Variants in TTC6 observed in about 807,000 individuals in gnomAD.
The protein encoded by TTC6 is tetratricopeptide repeat protein 6.
TTC6 carries 172 observed loss-of-function variants against 210.4 expected under a neutral mutation model. The ratio of observed to expected loss-of-function variants is 0.82; its 90% CI spans 0.72 to 0.93. The LOEUF is 0.93. Among genes scored for constraint, TTC6 ranks in the 40% least tolerant of loss-of-function variants. The pLI is 0.00. For synonymous variants in TTC6, 804 were observed against 819.6 expected (o/e 0.98, Z 0.32); for missense variants, 2,414 against 2,318.1 (o/e 1.04, Z -0.85).
chr14:37,700,336 C>A (rs1369225416), intron 4 of TTC6, among the ~76,000 whole-genome samples: 3 of 152,074 alleles, frequency 2.0e-5, no homozygotes, highest in Non-Finnish European at 4.4e-5. Flanking sequence ...AATACAGCTT[C>A]GTTGTGGGAA....
chr14:37,772,276 CCA>C (rs1325566089), intron 14 of TTC6: 1 of 153,818 alleles, frequency 6.5e-6, no homozygotes, highest in African/African-American at 2.4e-5. Flanking sequence ...TGCCCTGCCC[CCA>C]GAGGTGGAGC....
At chr14:37,704,889 A>G (rs553023930) in intron 5 of TTC6, among the ~76,000 whole-genome samples, 62 of 152,280 alleles carry the variant, frequency 4.1e-4, no homozygotes, top group African/African-American at 1.4e-3. Flanking sequence ...TAAGAAGAAC[A>G]TATTTTAAAA....
At chr14:37,615,252 C>T (rs1455104414) in intron 2 of TTC6, among the ~76,000 whole-genome samples, 1 of 152,054 alleles carries the variant, frequency 6.6e-6, no homozygotes, top group African/African-American at 2.4e-5. Context: ...TACATTTATT[C>T]TGATTGAGAT....
At chr14:37,714,505 T>G in intron 5 of TTC6, 150 bp from the exon 8 acceptor site, 2 of 500,302 alleles carry the variant, frequency 4.0e-6, no homozygotes, top group Non-Finnish European at 6.6e-6. Context: ...TATTTCTCAT[T>G]TTGGATTATC....
chr14:37,699,016 G>A (rs1483783460), intron 4 of TTC6, among the ~76,000 whole-genome samples: 1 of 152,150 alleles, frequency 6.6e-6, no homozygotes, highest in African/African-American at 2.4e-5. Flanking sequence ...CTCTGAATCA[G>A]TGCCAGCCAT....
At chr14:37,708,091 C>T (rs1014790316) in intron 5 of TTC6, among the ~76,000 whole-genome samples, 1 of 151,892 alleles carries the variant, frequency 6.6e-6, no homozygotes, top group South Asian at 2.1e-4. Context: ...TGTGCATACA[C>T]ATATATTATG....
At chr14:37,838,999 C>T (rs1401503678) in intron 29 of TTC6, among the ~76,000 whole-genome samples, 6 of 152,204 alleles carry the variant, frequency 3.9e-5, no homozygotes, top group Admixed American at 3.9e-4. Flanking sequence ...TTTTTCATGG[C>T]TGCATAGTAT....
chr14:37,734,722 G>A (rs2095896936), intron 7 of TTC6, among the ~76,000 whole-genome samples: 1 of 151,424 alleles, frequency 6.6e-6, no homozygotes, highest in Non-Finnish European at 1.5e-5. Flanking sequence ...TTTTTCCATT[G>A]CATATCATAT....
At chr14:37,742,171 G>T (rs17107062) in intron 10 of TTC6, among the ~76,000 whole-genome samples, 2 of 152,096 alleles carry the variant, frequency 1.3e-5, no homozygotes, top group Admixed American at 6.5e-5. Context: ...TGCCAATGGC[G>T]TTCCTATCCC....
chr14:37,841,614 C>G (rs1595344949), exon 30 of TTC6: 1 of 1,604,006 alleles, frequency 6.2e-7, no homozygotes, highest in Non-Finnish European at 8.5e-7. Flanking sequence ...TTTAATAGAG[C>G]ACATTTCTAC....
intron 1 of TTC6, among the ~76,000 whole-genome samples, chr14:37,677,129 G>C (rs1016153768): frequency 7.2e-5 from 11 of 151,960 alleles, no homozygotes; most frequent in Non-Finnish European, 1.5e-4. Context: ...GGGTTGCAAA[G>C]AATCTGTAGA....
chr14:37,631,093 G>C (rs1436729352), intron 1 of TTC6, among the ~76,000 whole-genome samples: 4 of 151,572 alleles, frequency 2.6e-5, no homozygotes, highest in African/African-American at 9.7e-5. Context: ...TTTAATTGGG[G>C]AATTTAGCCC....
At chr14:37,721,260 T>A (rs2095861345) in intron 6 of TTC6, among the ~76,000 whole-genome samples, 1 of 152,166 alleles carries the variant, frequency 6.6e-6, no homozygotes, top group African/African-American at 2.4e-5. Context: ...TGAATGGCTC[T>A]TTTACTCATG....
At chr14:37,597,480 G>A (rs1273210090) in intron 1 of TTC6, among the ~76,000 whole-genome samples, 1 of 151,848 alleles carries the variant, frequency 6.6e-6, no homozygotes. Context: ...CTTAAAGGGG[G>A]GGTCAATTAC....
exon 17 of TTC6, chr14:37,792,270 T>C: frequency 6.6e-7 from 1 of 1,505,222 alleles, no homozygotes. Flanking sequence ...TTAGAACTAT[T>C]ACTTTGGCTT....
chr14:37,667,215 T>G (rs890780294), intron 1 of TTC6, among the ~76,000 whole-genome samples: 1 of 150,102 alleles, frequency 6.7e-6, no homozygotes, highest in African/African-American at 2.4e-5. Context: ...GGAGATTAGA[T>G]TGGGGGAGAA....
At chr14:37,819,914 C>T (rs1486151465) in intron 26 of TTC6, among the ~76,000 whole-genome samples, 1 of 152,206 alleles carries the variant, frequency 6.6e-6, no homozygotes, top group Non-Finnish European at 1.5e-5. Flanking sequence ...GAATCATGCA[C>T]CTCCAGTAAG....
At chr14:37,712,297 A>G (rs1347225609) in intron 5 of TTC6, among the ~76,000 whole-genome samples, 2 of 152,166 alleles carry the variant, frequency 1.3e-5, no homozygotes, top group Non-Finnish European at 2.9e-5. Context: ...CAGTGCTTCT[A>G]GATAACTTCT....
chr14:37,804,187 G>T (rs1189362270), intron 20 of TTC6, among the ~76,000 whole-genome samples: 2 of 152,124 alleles, frequency 1.3e-5, no homozygotes, highest in Non-Finnish European at 2.9e-5. Flanking sequence ...TTTGGAGGTA[G>T]TTTATTTTTT....
Sources: allele counts gnomAD v4.1 joint callset (sites outside exome capture counted in the v4.1 genomes callset), GRCh38; gene constraint gnomAD v4.1.1; transcripts MANE v1.5; gene names NCBI Gene and HGNC (gene_info 2026-07-23, HGNC 2026-07-21).